Variants in ME3 observed in about 807,000 individuals in gnomAD.
The protein encoded by ME3 is NADP-dependent malic enzyme, mitochondrial.
Under a neutral mutation model 68.9 loss-of-function variants are expected in ME3, and 48 were observed. That is an observed-to-expected ratio of 0.70 (90% CI 0.55 to 0.89). The LOEUF is 0.89. Among genes scored for constraint, ME3 ranks in the 40% least tolerant of loss-of-function variants. ME3 has a pLI of 0.00. For synonymous variants in ME3, 320 were observed against 318.8 expected (o/e 1.00, Z -0.04); for missense variants, 675 against 797.4 (o/e 0.85, Z 1.85).
chr11:86,618,525 A>T lies in ME3; in HGVS notation c.183+53237T>A, dbSNP rs139283342. ...ATATTAGCTAAGTCTAAATCTAAAC[A>T]TACACAGCCTTGAAGCTGGTCACAA... On this transcript the variant is annotated intron_variant, in intron 2 of 14. Transcript: ENST00000543262. Among the ~76,000 whole-genome samples, 49 of 152,172 alleles carry T rather than the reference A, an allele frequency of 3.2e-4. No homozygotes were observed. In the East Asian group the frequency reaches 8.3e-3, roughly 26 times the overall value.
At chr11:86,634,203 G>A (rs181177565) in intron 2 of ME3, among the ~76,000 whole-genome samples, 1 of 152,266 alleles carries the variant, frequency 6.6e-6, no homozygotes, top group Non-Finnish European at 1.5e-5. Context: ...CCTCCATCTG[G>A]TCAGTCAGAA....
intron 8 of ME3, among the ~76,000 whole-genome samples, chr11:86,456,524 G>A (rs1949937040): frequency 6.6e-6 from 1 of 152,060 alleles, no homozygotes; most frequent in African/African-American, 2.4e-5. Context: ...AAGGAAACCT[G>A]GGGGTTTCCT....
At chr11:86,538,225 G>A (rs533271440) in intron 4 of ME3, among the ~76,000 whole-genome samples, 26 of 152,208 alleles carry the variant, frequency 1.7e-4, no homozygotes, top group African/African-American at 6.3e-4. Context: ...TAGGATTGAG[G>A]GATTTCAATA....
chr11:86,516,071 A>G (rs957461154), intron 4 of ME3, among the ~76,000 whole-genome samples: 3 of 152,126 alleles, frequency 2.0e-5, no homozygotes, highest in African/African-American at 7.2e-5. Context: ...CTACTCCTAG[A>G]GCTGAGAACA....
At chr11:86,634,734 CATAG>C (rs1944227921) in intron 2 of ME3, among the ~76,000 whole-genome samples, 1 of 152,038 alleles carries the variant, frequency 6.6e-6, no homozygotes, top group Non-Finnish European at 1.5e-5. Flanking sequence ...AATAAAACAT[CATAG>C]ATAGCAGCTG....
intron 2 of ME3, among the ~76,000 whole-genome samples, chr11:86,666,249 T>G (rs1241703927): frequency 3.9e-5 from 6 of 152,234 alleles, no homozygotes; most frequent in African/African-American, 1.4e-4. Flanking sequence ...TTCCAAGTTG[T>G]GCCCTTAAAA....
chr11:86,615,510 C>G (rs536011167), intron 2 of ME3, among the ~76,000 whole-genome samples: 2 of 152,208 alleles, frequency 1.3e-5, no homozygotes, highest in Non-Finnish European at 2.9e-5. Flanking sequence ...TATACTGCAT[C>G]TTGATCAAGG....
At chr11:86,531,852 G>A (rs905878749) in intron 4 of ME3, among the ~76,000 whole-genome samples, 13 of 151,526 alleles carry the variant, frequency 8.6e-5, no homozygotes, top group African/African-American at 3.2e-4. Flanking sequence ...GGGAGGCATA[G>A]CACTGGGAGA....
At chr11:86,453,642 C>T (rs999897651) in intron 8 of ME3, among the ~76,000 whole-genome samples, 1 of 152,128 alleles carries the variant, frequency 6.6e-6, no homozygotes, top group Admixed American at 6.5e-5. Context: ...ATAAGTATGT[C>T]CTATGCAATA....
intron 2 of ME3, among the ~76,000 whole-genome samples, chr11:86,658,220 T>A (rs1385969778): frequency 6.6e-6 from 1 of 150,888 alleles, no homozygotes. Context: ...ACCTCCCGAG[T>A]TCAAGCATTT....
intron 2 of ME3, among the ~76,000 whole-genome samples, chr11:86,590,298 G>C (rs758024423): frequency 6.6e-6 from 1 of 152,202 alleles, no homozygotes; most frequent in South Asian, 2.1e-4. Flanking sequence ...ATACGGACAT[G>C]AGAAAGAGAG....
At chr11:86,473,813 G>A (rs956828101) in intron 7 of ME3, among the ~76,000 whole-genome samples, 2 of 152,188 alleles carry the variant, frequency 1.3e-5, no homozygotes, top group African/African-American at 4.8e-5. Flanking sequence ...TGGAGAAAGA[G>A]GGAATACGGA....
At chr11:86,654,740 T>C (rs1193249598) in intron 2 of ME3, among the ~76,000 whole-genome samples, 1 of 152,230 alleles carries the variant, frequency 6.6e-6, no homozygotes, top group Non-Finnish European at 1.5e-5. Context: ...TTGGAAGTTC[T>C]GGCCAGGGCA....
intron 2 of ME3, among the ~76,000 whole-genome samples, chr11:86,626,950 G>A (rs1355928200): frequency 1.3e-5 from 2 of 152,082 alleles, no homozygotes; most frequent in African/African-American, 4.8e-5. Context: ...ATTTTCCTTG[G>A]GATCCGAAGG....
intron 2 of ME3, among the ~76,000 whole-genome samples, chr11:86,601,848 A>G (rs1209287203): frequency 6.6e-6 from 1 of 151,362 alleles, no homozygotes; most frequent in East Asian, 1.9e-4. Context: ...ACCAAAGACA[A>G]AAACCACATG....
chr11:86,658,546 G>C (rs1353188042), intron 2 of ME3, among the ~76,000 whole-genome samples: 1 of 152,164 alleles, frequency 6.6e-6, no homozygotes, highest in African/African-American at 2.4e-5. Flanking sequence ...TTGAGCCCCA[G>C]AGGAGGCAGC....
chr11:86,641,132 A>T (rs562446750), intron 2 of ME3, among the ~76,000 whole-genome samples: 2 of 152,258 alleles, frequency 1.3e-5, no homozygotes, highest in East Asian at 3.9e-4. Context: ...ACTGACCCTT[A>T]TGCAATTCTC....
intron 2 of ME3, among the ~76,000 whole-genome samples, chr11:86,646,613 G>A (rs762012188): frequency 7.2e-5 from 11 of 152,208 alleles, no homozygotes; most frequent in Non-Finnish European, 1.6e-4. Context: ...ATGGAACCAA[G>A]TTGGGAAACA....
chr11:86,485,975 C>T (rs576191285), intron 7 of ME3, among the ~76,000 whole-genome samples: 1 of 152,204 alleles, frequency 6.6e-6, no homozygotes, highest in African/African-American at 2.4e-5. Flanking sequence ...CATTCTCCCA[C>T]TCTCCTAGAT....
Sources: gnomAD v4.1 joint callset for allele counts (sites outside exome capture counted in the v4.1 genomes callset) on GRCh38, gnomAD v4.1.1 for gene constraint, MANE v1.5 for transcripts, NCBI Gene and HGNC (gene_info 2026-07-23, HGNC 2026-07-21) for gene names.